Variants in NRXN3 observed in about 807,000 individuals in gnomAD.
The protein encoded by NRXN3 is neurexin 3.
In NRXN3, 32 loss-of-function variants were observed where a neutral mutation model predicts 137.6. The observed-to-expected ratio is 0.23, with a 90% CI of 0.18 to 0.31. The LOEUF is 0.31. Ranked by LOEUF, NRXN3 falls within the 10% of genes least tolerant of loss-of-function variation. The pLI is 1.00. For missense variants in NRXN3, 1,574 were observed against 2,062.5 expected (o/e 0.76, Z 4.59); for synonymous variants, 798 against 784.5 (o/e 1.02, Z -0.29).
At chr14:79,637,914 G>C (rs888485223) in intron 16 of NRXN3, among the ~76,000 whole-genome samples, 1 of 97,514 alleles carries the variant, frequency 1.0e-5, no homozygotes, top group Non-Finnish European at 1.9e-5. Context: ...ATTTTTAGTA[G>C]AGATGGGTTT....
At chr14:78,635,120 G>A (rs1356080651) in intron 4 of NRXN3, among the ~76,000 whole-genome samples, 2 of 152,118 alleles carry the variant, frequency 1.3e-5, no homozygotes, top group Admixed American at 6.5e-5. Flanking sequence ...TAAAGGTGGG[G>A]AGTTTTACCA....
chr14:79,467,511 G>A, intron 16 of NRXN3, 109 bp downstream of exon 16: 1 of 991,510 alleles, frequency 1.0e-6, no homozygotes, highest in Non-Finnish European at 1.4e-6. Flanking sequence ...AGGTGCACAT[G>A]CTTATAAAAA....
intron 1 of NRXN3, among the ~76,000 whole-genome samples, chr14:78,192,755 A>G (rs1052740001): frequency 6.6e-6 from 1 of 152,210 alleles, no homozygotes; most frequent in Admixed American, 6.5e-5. Context: ...ATGCTGGGGC[A>G]GACTTCAACG....
At chr14:78,963,934 A>AT (rs111872358) in intron 11 of NRXN3, among the ~76,000 whole-genome samples, 9,902 of 149,582 alleles carry the variant, frequency 0.066, 1,081 homozygotes, top group African/African-American at 0.23. Flanking sequence ...CCTGGCTAAT[A>AT]TTTTTTTTTT....
intron 15 of NRXN3, among the ~76,000 whole-genome samples, chr14:79,404,174 A>C (rs565745100): frequency 5.9e-5 from 9 of 152,334 alleles, no homozygotes; most frequent in African/African-American, 1.9e-4. Flanking sequence ...GACAACCTAC[A>C]CAACGGGAGA....
chr14:78,491,584 C>G (rs537959330), intron 4 of NRXN3, among the ~76,000 whole-genome samples: 3 of 152,274 alleles, frequency 2.0e-5, no homozygotes, highest in Admixed American at 6.5e-5. Context: ...GCCCACACAA[C>G]TACATATACG....
chr14:79,358,666 A>AAAGT (rs1555397688), intron 15 of NRXN3, among the ~76,000 whole-genome samples: 236 of 147,456 alleles, frequency 1.6e-3, no homozygotes, highest in African/African-American at 4.1e-3. Flanking sequence ...AGAAAGAAAG[A>AAAGT]AAGTGTCCTA....
intron 1 of NRXN3, among the ~76,000 whole-genome samples, chr14:78,239,054 A>G (rs944714791): frequency 3.3e-5 from 5 of 152,240 alleles, no homozygotes; most frequent in African/African-American, 1.2e-4. Context: ...GTCCTTGTGT[A>G]AAGTGGGGTT....
intron 1 of NRXN3, among the ~76,000 whole-genome samples, chr14:78,215,727 AGTTTCGTTTGTGCTGGGGGG>A (rs1341942088): frequency 1.7e-5 from 2 of 117,586 alleles, no homozygotes; most frequent in African/African-American, 6.7e-5. Flanking sequence ...GGTGCTGGGA[AGTTTCGTTTGTGCTGGGGGG>A]GTTTCGTTTG....
chr14:79,801,878 G>A (rs997639801), intron 19 of NRXN3, among the ~76,000 whole-genome samples: 6 of 152,030 alleles, frequency 3.9e-5, no homozygotes, highest in African/African-American at 1.4e-4. Context: ...GGGGATTAGG[G>A]GCCCATTCAT....
chr14:79,038,344 A>G (rs878890574), intron 15 of NRXN3, among the ~76,000 whole-genome samples: 16 of 152,102 alleles, frequency 1.1e-4, no homozygotes, highest in Admixed American at 2.6e-4. Context: ...CCTTACCCTT[A>G]ATAGTGGAGA....
intron 4 of NRXN3, among the ~76,000 whole-genome samples, chr14:78,516,385 C>T (rs555851597): frequency 5.8e-4 from 49 of 84,064 alleles, no homozygotes; most frequent in Non-Finnish European, 1.3e-3. Context: ...CTAGGCTGAG[C>T]AGCAGAGGAG....
intron 4 of NRXN3, among the ~76,000 whole-genome samples, chr14:78,365,902 C>A (rs2085867052): frequency 1.3e-5 from 2 of 152,106 alleles, no homozygotes; most frequent in Admixed American, 6.6e-5. Context: ...GAGGAGCAAC[C>A]AAGAGTGGAG....
At chr14:78,424,369 T>C (rs2093579358) in intron 4 of NRXN3, among the ~76,000 whole-genome samples, 1 of 152,186 alleles carries the variant, frequency 6.6e-6, no homozygotes, top group Non-Finnish European at 1.5e-5. Context: ...TGAAAGCTAT[T>C]CAGCCATGGG....
At chr14:79,170,501 C>G (rs2061676643) in intron 15 of NRXN3, among the ~76,000 whole-genome samples, 2 of 152,064 alleles carry the variant, frequency 1.3e-5, no homozygotes, top group Admixed American at 6.6e-5. Context: ...GATATACATT[C>G]ATGGAGGTGT....
chr14:78,412,406 A>G lies in NRXN3; in HGVS notation c.757+114546A>G, dbSNP rs550206202. ...CTTGTGGTGTACTAAGGCACTTGAA[A>G]TTTGGAGGTGTTTTTTTACTGTTCT... On this transcript the variant is annotated intron_variant, in intron 4 of 20. Transcript: ENST00000335750. Among the ~76,000 whole-genome samples the G allele has an allele frequency of 5.9e-5, 9 of 151,856 alleles. No individual in the cohort carries two copies. The South Asian group carries it at 1.9e-3, about 32-fold the overall frequency.
chr14:78,958,531 A>G (rs925657520), intron 11 of NRXN3, among the ~76,000 whole-genome samples: 5 of 151,592 alleles, frequency 3.3e-5, no homozygotes, highest in African/African-American at 1.2e-4. Context: ...AATTTTTTGT[A>G]TTTTTAGTAG....
chr14:79,118,007 G>C (rs1596146671), intron 15 of NRXN3, among the ~76,000 whole-genome samples: 1 of 152,208 alleles, frequency 6.6e-6, no homozygotes, highest in African/African-American at 2.4e-5. Flanking sequence ...GAATTTGCTT[G>C]TGCAAAGAGG....
chr14:79,191,391 T>G (rs12588153), intron 15 of NRXN3, among the ~76,000 whole-genome samples: 5,729 of 152,274 alleles, frequency 0.038, 239 homozygotes, highest in East Asian at 0.21. Context: ...CAGGGAGGCA[T>G]CCTTTTGAAG....
Sources: allele counts gnomAD v4.1 joint callset (sites outside exome capture counted in the v4.1 genomes callset), GRCh38; gene constraint gnomAD v4.1.1; transcripts MANE v1.5; gene names NCBI Gene and HGNC (gene_info 2026-07-23, HGNC 2026-07-21).